Variants in ATP8A2 observed in about 807,000 individuals in gnomAD.
ATP8A2 encodes phospholipid-transporting ATPase IB.
ATP8A2 carries 100 observed loss-of-function variants against 165.6 expected under a neutral mutation model. The ratio of observed to expected loss-of-function variants is 0.60; its 90% CI spans 0.51 to 0.71. The LOEUF is 0.71. ATP8A2 is among the 30% of genes least tolerant of loss of function. The pLI, the probability that ATP8A2 is intolerant of heterozygous loss-of-function variation, is 0.00. For missense variants in ATP8A2, 1,227 were observed against 1,479.5 expected, an observed-to-expected ratio of 0.83 and a Z score of 2.80; for synonymous variants, 543 against 548.8, an observed-to-expected ratio of 0.99 and a Z score of 0.15.
intron 2 of ATP8A2, among the ~76,000 whole-genome samples, chr13:25,481,880 T>A (rs890549753): frequency 8.6e-5 from 13 of 151,972 alleles, no homozygotes; most frequent in Non-Finnish European, 1.9e-4. Flanking sequence ...ATCTTGAGGG[T>A]CCCACCCTCA....
intron 24 of ATP8A2, among the ~76,000 whole-genome samples, chr13:25,661,163 A>G (rs1326474618): frequency 1.3e-5 from 2 of 152,164 alleles, no homozygotes; most frequent in East Asian, 3.9e-4. Flanking sequence ...GCTCAAGGAT[A>G]TTGTGATGCA....
intron 24 of ATP8A2, among the ~76,000 whole-genome samples, chr13:25,656,098 C>T (rs1477895547): frequency 2.0e-5 from 3 of 152,180 alleles, no homozygotes; most frequent in African/African-American, 7.2e-5. Flanking sequence ...ATCGCTGAAA[C>T]CCTATGCCTT....
At chr13:25,660,413 T>A (rs1008455985) in intron 24 of ATP8A2, among the ~76,000 whole-genome samples, 1 of 152,186 alleles carries the variant, frequency 6.6e-6, no homozygotes, top group Non-Finnish European at 1.5e-5. Context: ...CCCGGGCTGA[T>A]GTAAATGAAT....
chr13:25,411,021 G>A (rs1451064617), intron 1 of ATP8A2, among the ~76,000 whole-genome samples: 1 of 152,170 alleles, frequency 6.6e-6, no homozygotes, highest in African/African-American at 2.4e-5. Context: ...TACTCCAGGA[G>A]TTCTGGGCTC....
rs144390471 is a variant in ATP8A2 at position 25,750,589 on chromosome 13, T to A, written c.2385-18457T>A. 6.6e-6 allele frequency among the ~76,000 whole-genome samples: 1 copy of A among 152,336 alleles called. No homozygotes were observed. Among genetic ancestry groups the A allele is most frequent in the African/African-American group, 2.4e-5 (1 of 41,568 alleles). The stretch of plus-strand genomic sequence containing the variant: ...AGATACTTTCAGTTCAGCAGGGCCC[T>A]TCGCCCCACCACGTGATGGGATTCT... On this transcript the variant is annotated intron_variant, in intron 25 of 36. Coordinates refer to ENST00000381655, the MANE Select transcript of ATP8A2 (RefSeq NM_016529.6). The surrounding 1 kb of genome is among the most constrained non-coding windows in gnomAD (Gnocchi z 4.3).
chr13:25,668,367 T>A (rs7335338), intron 24 of ATP8A2, among the ~76,000 whole-genome samples: 132,898 of 152,124 alleles, frequency 0.87, 59,565 homozygotes, highest in Non-Finnish European at 0.98. Flanking sequence ...CTGGGCTCCA[T>A]GGTTTCTGAT....
At chr13:25,759,517 A>G (rs1229099429) in intron 25 of ATP8A2, among the ~76,000 whole-genome samples, 2 of 152,122 alleles carry the variant, frequency 1.3e-5, no homozygotes, top group Non-Finnish European at 2.9e-5. Context: ...AGTGGGGAAC[A>G]ATACATGTAT....
At chr13:25,603,417 G>C (rs1385800226) in intron 24 of ATP8A2, among the ~76,000 whole-genome samples, 1 of 150,770 alleles carries the variant, frequency 6.6e-6, no homozygotes, top group Non-Finnish European at 1.5e-5. Context: ...CTTTAGCCCA[G>C]GTGGCAGAGG....
rs950486250 is a variant in ATP8A2, at chr13:25,739,606, T to TA, written c.2385-29430dup. Among the ~76,000 whole-genome samples, 314 of 147,510 alleles carry TA rather than the reference T, an allele frequency of 2.1e-3. 2 individuals are homozygous for TA. Among genetic ancestry groups the TA allele is most frequent in the African/African-American group, 6.2e-3 (251 of 40,266 alleles). ...AGATGGAAAATAGTGGAAAGACAGTTAAAAAAAAAAGCTTAACATAAATGG... is the reference window on the plus strand; with the variant it reads ...AGATGGAAAATAGTGGAAAGACAGTTAAAAAAAAAAAGCTTAACATAAATGG... On this transcript the variant is annotated intron_variant, in intron 25 of 36. Transcript: ENST00000381655.
chr13:25,435,969 G>GTGTA (rs2034762059), intron 1 of ATP8A2, among the ~76,000 whole-genome samples: 1 of 113,412 alleles, frequency 8.8e-6, no homozygotes, highest in African/African-American at 2.9e-5. Flanking sequence ...GTGTGTGTGT[G>GTGTA]TGTATGTGTG....
At chr13:25,701,193 G>A (rs1349481250) in intron 25 of ATP8A2, among the ~76,000 whole-genome samples, 1 of 152,016 alleles carries the variant, frequency 6.6e-6, no homozygotes, top group Non-Finnish European at 1.5e-5. Context: ...ACAAAGGCCA[G>A]TTTATCTATC....
At position 25,767,440 on chromosome 13, in the gene ATP8A2, G is replaced by A. The variant is rs562933539; in HGVS notation, c.2385-1606G>A. 8.5e-4 allele frequency among the ~76,000 whole-genome samples: 130 copies of A among 152,324 alleles called. 2 individuals carry two copies. Among genetic ancestry groups the A allele is most frequent in the African/African-American group, 3.0e-3 (126 of 41,576 alleles). On this transcript the variant is annotated intron_variant, in intron 25 of 36. Coordinates refer to ENST00000381655, the MANE Select transcript of ATP8A2 (RefSeq NM_016529.6). ...GGCTATCTTTTAAGTTCTGAAGCAT[G>A]CCTATTAAATAATGGTTGAAGAACC...
chr13:25,723,949 G>A (rs2043439192), intron 25 of ATP8A2, among the ~76,000 whole-genome samples: 1 of 152,206 alleles, frequency 6.6e-6, no homozygotes, highest in Non-Finnish European at 1.5e-5. Context: ...ACCGTGGCTG[G>A]TTTGAAGATG....
intron 33 of ATP8A2, among the ~76,000 whole-genome samples, chr13:25,906,123 T>C (rs1953928840): frequency 6.6e-6 from 1 of 152,138 alleles, no homozygotes; most frequent in Non-Finnish European, 1.5e-5. Context: ...AAATAAGTCC[T>C]TCCAGATTTC....
chr13:25,882,815 C>G (rs1253581741), intron 33 of ATP8A2, among the ~76,000 whole-genome samples: 1 of 152,054 alleles, frequency 6.6e-6, no homozygotes, highest in Non-Finnish European at 1.5e-5. Flanking sequence ...CGTCTACTCA[C>G]TGATGGAGGG....
At chr13:25,617,986 G>A (rs552244988) in intron 24 of ATP8A2, among the ~76,000 whole-genome samples, 11 of 152,236 alleles carry the variant, frequency 7.2e-5, no homozygotes, top group East Asian at 1.9e-4. Context: ...CTAGTTACCC[G>A]TAGTGTAAAA....
intron 33 of ATP8A2, among the ~76,000 whole-genome samples, chr13:25,868,386 G>A (rs1012062598): frequency 3.3e-5 from 5 of 152,164 alleles, no homozygotes; most frequent in Admixed American, 6.5e-5. Context: ...TTAGAAACCC[G>A]TGGCATGGCT....
At chr13:25,895,813 A>C (rs1235779393) in intron 33 of ATP8A2, among the ~76,000 whole-genome samples, 1 of 152,116 alleles carries the variant, frequency 6.6e-6, no homozygotes. Context: ...TTTCTAGTTT[A>C]TTTGCATAGA....
At chr13:25,840,870 T>C (rs1401987140) in intron 30 of ATP8A2, among the ~76,000 whole-genome samples, 2 of 152,214 alleles carry the variant, frequency 1.3e-5, no homozygotes, top group Non-Finnish European at 2.9e-5. Context: ...CCTCCATACC[T>C]GAGCCCAGGC....
Sources: allele counts gnomAD v4.1 joint callset (sites outside exome capture counted in the v4.1 genomes callset), GRCh38; gene constraint gnomAD v4.1.1; non-coding constraint Gnocchi (gnomAD v3.1); transcripts MANE v1.5; gene names NCBI Gene and HGNC (gene_info 2026-07-23, HGNC 2026-07-21).